GPR180: variants seen among roughly 807,000 people sequenced by gnomAD.
GPR180 encodes the protein G protein-coupled receptor 180.
Under a neutral mutation model 52.6 loss-of-function variants are expected in GPR180, and 53 were observed. That is an observed-to-expected ratio of 1.01 (90% CI 0.81 to 1.27). The LOEUF is 1.27. Ranked by LOEUF, GPR180 falls within the 50% of genes most tolerant of loss-of-function variation. The pLI, the probability that GPR180 is intolerant of heterozygous loss-of-function variation, is 0.00. For missense variants in GPR180, 533 were observed against 527.0 expected (o/e 1.01, Z -0.11); for synonymous variants, 200 against 193.1 (o/e 1.04, Z -0.30).
chr13:94,631,317 C>T lies in GPR180; in HGVS notation c.*4146C>T, dbSNP rs527713188. ...CCCCCATTTCCCATGTCTTCCCTTT[C>T]CAACTGCCAGACACAAAAGAAACCG... On this transcript the variant is annotated 3_prime_UTR_variant, in exon 9 of 9. Coordinates refer to ENST00000376958, the MANE Select transcript of GPR180 (RefSeq NM_180989.6). The T allele has an allele frequency of 2.0e-5, 3 of 152,144 alleles. No homozygotes were observed. Among genetic ancestry groups the T allele is most frequent in the Non-Finnish European group, 1.5e-5 (1 of 68,100 alleles). The allele number at this position is 152,144 out of a possible 1,614,324, so 9.4% of individuals were successfully genotyped here. A position where few individuals can be genotyped will look rare whatever the true frequency, so the allele number is the denominator to read the frequency against.
chr13:94,626,434 G>C (rs1244501041), intron 8 of GPR180, among the ~76,000 whole-genome samples: 1 of 152,124 alleles, frequency 6.6e-6, no homozygotes, highest in Non-Finnish European at 1.5e-5. Context: ...GCTCAAGTAT[G>C]ATGCATTTTG....
At position 94,619,155 on chromosome 13, in the gene GPR180, C is replaced by CA; in HGVS notation, c.512dup (p.His171GlnfsTer2). The CA allele has an allele frequency of 6.2e-7, 1 of 1,613,556 alleles. No homozygotes were observed. The highest frequency in any genetic ancestry group is 1.1e-5 in the South Asian group (1 of 90,974). ...TCCCTTTCTTCTCTTCACAGGGTTA[C>CA]ATGAGTTCTTTTTCCTCCTAGTCCT... On this transcript the variant is annotated frameshift_variant, in exon 4 of 9. Transcript: ENST00000376958. LOFTEE classifies it high-confidence loss of function.
intron 3 of GPR180, among the ~76,000 whole-genome samples, chr13:94,616,619 TAA>T (rs757378708): frequency 3.3e-5 from 5 of 152,026 alleles, no homozygotes; most frequent in African/African-American, 7.2e-5. Context: ...GTATGCTCAT[TAA>T]GAGTATTTTT....
In GPR180 at chr13:94,621,371, T is replaced by A. The variant is rs563967433; in HGVS notation, c.894+136T>A. On this transcript the variant is annotated intron_variant, in intron 6 of 8. Transcript: ENST00000376958. ...TTTTTTCTTGAAATTTCTGAGCTTC[T>A]ACAATTTGTGTCATTTAAAGTATGA... 20 of 604,248 alleles carry A rather than the reference T, an allele frequency of 3.3e-5. No homozygotes were observed. In the Admixed American group the frequency reaches 5.3e-4, roughly 16 times the overall value. 37.4% of individuals were successfully genotyped at this position (604,248 alleles called of 1,614,324 possible).
chr13:94,605,326 G>C, intron 1 of GPR180, 65 bp from the exon 2 acceptor site: 1 of 1,494,186 alleles, frequency 6.7e-7, no homozygotes, highest in Non-Finnish European at 9.3e-7. Context: ...GAGGTGTTGA[G>C]TTGTCCTCAT....
At position 94,626,031 on chromosome 13, in the gene GPR180, C is replaced by A; in HGVS notation, c.1152C>A (p.Tyr384Ter). The change falls in exon 8 of 9, where the codon TAC becomes TAA. Residue 384 changes from tyrosine (Y) to a stop codon, truncating the protein, a stop_gained. Coordinates refer to ENST00000376958, the MANE Select transcript of GPR180 (RefSeq NM_180989.6). LOFTEE classifies it high-confidence loss of function. Reference sequence around the variant, plus strand: ...GCATTTCTGTCATTTTTAGCGACTACCAAAGAGACAAGGTAAGAAATATAC... The same window carrying A: ...GCATTTCTGTCATTTTTAGCGACTAACAAAGAGACAAGGTAAGAAATATAC... The part of the protein sequence containing the change: ...LACISVIFSD[Y>*]QRDKVITIGV... 1 of 1,607,678 alleles carries A rather than the reference C, an allele frequency of 6.2e-7. No homozygotes were observed. Among genetic ancestry groups the A allele is most frequent in the Non-Finnish European group, 8.5e-7 (1 of 1,175,220 alleles).
intron 3 of GPR180, among the ~76,000 whole-genome samples, chr13:94,615,817 T>G (rs549704277): frequency 1.3e-5 from 2 of 152,362 alleles, no homozygotes; most frequent in South Asian, 4.1e-4. Flanking sequence ...CATTCTTTAG[T>G]GTTATCCCTT....
chr13:94,605,914 T>TA (rs1460692740), intron 2 of GPR180, among the ~76,000 whole-genome samples: 6 of 152,240 alleles, frequency 3.9e-5, no homozygotes, highest in African/African-American at 1.4e-4. Flanking sequence ...TGTATTATCT[T>TA]AGTTAATTGG....
chr13:94,606,690 T>C (rs6492721), intron 2 of GPR180, among the ~76,000 whole-genome samples: 100,579 of 152,002 alleles, frequency 0.66, 34,011 homozygotes, highest in African/African-American at 0.76. Context: ...TCTAAACATC[T>C]GGCTTTTATC....
intron 7 of GPR180, among the ~76,000 whole-genome samples, chr13:94,625,357 GT>G (rs1182825057): frequency 1.3e-5 from 2 of 151,460 alleles, no homozygotes; most frequent in African/African-American, 2.4e-5. Flanking sequence ...TCTATATCTT[GT>G]TTTTTTCTCC....
chr13:94,626,065 A>C (rs558876817), intron 8 of GPR180, 22 bp downstream of exon 8: 1 of 1,513,342 alleles, frequency 6.6e-7, no homozygotes, highest in South Asian at 1.1e-5. Flanking sequence ...ACATGATCAA[A>C]GTAGTTTTCT....
At position 94,634,247 on chromosome 13, in the gene GPR180, G is replaced by A. The variant is rs1048026873; in HGVS notation, c.*7076G>A. 4.6e-5 allele frequency: 7 copies of A among 151,944 alleles called. No homozygotes were observed. The highest frequency in any genetic ancestry group is 9.7e-5 in the African/African-American group (4 of 41,378). 9.4% of individuals were successfully genotyped at this position (151,944 alleles called of 1,614,324 possible). On this transcript the variant is annotated 3_prime_UTR_variant, in exon 9 of 9. Coordinates refer to ENST00000376958, the MANE Select transcript of GPR180 (RefSeq NM_180989.6). ...TTTAGGGAAATTTGACTTTCTTAAC[G>A]TGTTGAGTGTTAAACCCACAGGTGG...
At chr13:94,603,082 A>ATTTTTTTTTTT (rs56263700) in intron 1 of GPR180, among the ~76,000 whole-genome samples, 2 of 148,040 alleles carry the variant, frequency 1.4e-5, no homozygotes, top group African/African-American at 2.5e-5. Flanking sequence ...AGGGATCCTG[A>ATTTTTTTTTTT]TTTTTTTTTT....
Position 94,605,042 on chromosome 13 carries a change from TTGG to T in GPR180, c.146-345_146-343del, listed in dbSNP as rs145033156. On this transcript the variant is annotated intron_variant, in intron 1 of 8. Coordinates refer to ENST00000376958, the MANE Select transcript of GPR180 (RefSeq NM_180989.6). ...TATGTCATATTAAAAAACAGAAACT[TTGG>T]TGGGACATTTCTATAGATTATGAAT... Among the ~76,000 whole-genome samples the T allele has an allele frequency of 2.6e-3, 401 of 152,252 alleles. 2 individuals carry two copies. The highest frequency in any genetic ancestry group is 9.2e-3 in the African/African-American group (381 of 41,548).
In GPR180 at chr13:94,619,197, G is replaced by C; in HGVS notation, c.553G>C (p.Ala185Pro). ...FLLVLVYFVIACIYAQSLWQA... is the reference protein window; with the variant it reads ...FLLVLVYFVIPCIYAQSLWQA... ...CCTAGTCCTAGTGTACTTTGTGATT[G>C]CTTGCATTTATGCTCAATCATTGTG... Residue 185 changes from alanine (A) to proline (P), a missense_variant, in exon 4 of 9, where the codon GCT becomes CCT. By Grantham distance (27) the Ala-to-Pro change is conservative. Coordinates refer to ENST00000376958, the MANE Select transcript of GPR180 (RefSeq NM_180989.6). 6.2e-7 allele frequency: 1 copy of C among 1,614,040 alleles called. No homozygotes were observed. Among genetic ancestry groups the C allele is most frequent in the Non-Finnish European group, 8.5e-7 (1 of 1,179,976 alleles).
intron 3 of GPR180, among the ~76,000 whole-genome samples, chr13:94,616,251 T>C (rs2139569084): frequency 6.6e-6 from 1 of 152,296 alleles, no homozygotes; most frequent in East Asian, 1.9e-4. Context: ...AGAAAGAAGA[T>C]AAAAGTAGAC....
Position 94,627,366 on chromosome 13 carries a change from T to G in GPR180, c.*195T>G, listed in dbSNP as rs544210075. 2.0e-4 allele frequency: 98 copies of G among 479,402 alleles called. No individual in the cohort carries two copies. The highest frequency in any genetic ancestry group is 3.2e-4 in the Non-Finnish European group (90 of 277,092). The allele number at this position is 479,402 out of a possible 1,614,324, so 29.7% of individuals were successfully genotyped here. On this transcript the variant is annotated 3_prime_UTR_variant, in exon 9 of 9. Coordinates refer to ENST00000376958, the MANE Select transcript of GPR180 (RefSeq NM_180989.6). ...ATAAATGAAATGTTTTGAAATATAC[T>G]TAAACAACAAACTTTGAAGAAAGTG...
intron 1 of GPR180, 39 bp from the exon 2 acceptor site, chr13:94,605,352 A>T (rs759807937): frequency 3.7e-6 from 6 of 1,608,708 alleles, no homozygotes; most frequent in Admixed American, 1.7e-5. Flanking sequence ...AGTTTCATGT[A>T]AGACCAAACT....
chr13:94,613,048 G>C (rs1889730992), intron 3 of GPR180, among the ~76,000 whole-genome samples: 1 of 152,160 alleles, frequency 6.6e-6, no homozygotes, highest in African/African-American at 2.4e-5. Context: ...CAGCAGAAAT[G>C]AATGACTTCT....
Sources: allele counts gnomAD v4.1 joint callset (sites outside exome capture counted in the v4.1 genomes callset), GRCh38; gene constraint gnomAD v4.1.1; transcripts MANE v1.5; gene names NCBI Gene and HGNC (gene_info 2026-07-23, HGNC 2026-07-21).